Variants in CNIH3 observed in about 807,000 individuals in gnomAD.
CNIH3 encodes protein cornichon homolog 3.
In CNIH3, 14 loss-of-function variants were observed where a neutral mutation model predicts 24.1. The ratio of observed to expected loss-of-function variants is 0.58; its 90% confidence interval spans 0.38 to 0.91. The LOEUF (loss-of-function observed/expected upper bound fraction) is 0.91. CNIH3 is among the 40% of genes least tolerant of loss of function. The pLI is 0.00. For synonymous variants in CNIH3, 68 were observed against 73.8 expected, an observed-to-expected ratio of 0.92 and a Z score of 0.40; for missense variants, 178 against 196.8, an observed-to-expected ratio of 0.90 and a Z score of 0.57.
At chr1:224,600,705 C>T (rs1277118218) in intron 3 of CNIH3, among the ~76,000 whole-genome samples, 1 of 152,180 alleles carries the variant, frequency 6.6e-6, no homozygotes, top group African/African-American at 2.4e-5. Flanking sequence ...ATGGGCTGAA[C>T]TGTGTTCTCC....
intron 1 of CNIH3, among the ~76,000 whole-genome samples, chr1:224,664,133 A>C (rs1685489012): frequency 6.6e-6 from 1 of 152,196 alleles, no homozygotes. Context: ...GTGGGGAAGG[A>C]ATGCAACCGC....
At chr1:224,672,931 G>A (rs114406378) in intron 1 of CNIH3, among the ~76,000 whole-genome samples, 1 of 152,330 alleles carries the variant, frequency 6.6e-6, no homozygotes, top group African/African-American at 2.4e-5. Flanking sequence ...TTAGAAAACT[G>A]CGCAGCTTTT....
At chr1:224,664,921 A>C (rs1292493715) in intron 1 of CNIH3, 1 of 152,068 alleles carries the variant, frequency 6.6e-6, no homozygotes, top group East Asian at 1.9e-4. Flanking sequence ...CTTAGATCCA[A>C]ATTTTCAAGC....
intron 1 of CNIH3, among the ~76,000 whole-genome samples, chr1:224,623,218 G>C (rs1453523344): frequency 6.6e-6 from 1 of 152,098 alleles, no homozygotes; most frequent in African/African-American, 2.4e-5. Flanking sequence ...TCCTTTGACT[G>C]TGGCTTTTCC....
Position 224,651,989 on chromosome 1 carries a change from A to T in CNIH3, c.82-28969A>T, listed in dbSNP as rs112547486. Among the ~76,000 whole-genome samples the T allele has an allele frequency of 4.7e-4, 72 of 152,172 alleles. 1 individual carries two copies. Among genetic ancestry groups the T allele is most frequent in the African/African-American group, 9.9e-4 (41 of 41,540 alleles). ...TTCCTCAACAGTAACTTATCACAAA[A>T]TTTTTTTCAATCCATTAGGTGTAAA... On this transcript the variant is annotated intron_variant, in intron 1 of 5. Coordinates refer to ENST00000272133, the MANE Select transcript of CNIH3 (RefSeq NM_152495.2).
At chr1:224,672,433 C>A (rs1468362012) in intron 1 of CNIH3, among the ~76,000 whole-genome samples, 3 of 152,146 alleles carry the variant, frequency 2.0e-5, no homozygotes, top group African/African-American at 7.2e-5. Context: ...AGGTGGGTGG[C>A]TTAAAACAAT....
intron 1 of CNIH3, among the ~76,000 whole-genome samples, chr1:224,619,558 A>G: frequency 6.6e-6 from 1 of 151,784 alleles, no homozygotes; most frequent in East Asian, 1.9e-4. Context: ...ACCCCATCAC[A>G]CTGATTTGGT....
At chr1:224,489,288 G>A (rs746173576) in intron 1 of CNIH3, among the ~76,000 whole-genome samples, 1 of 152,216 alleles carries the variant, frequency 6.6e-6, no homozygotes, top group Non-Finnish European at 1.5e-5. Context: ...CAGCTGGACA[G>A]TTGGTCAGAA....
At chr1:224,617,287 G>T in intron 1 of CNIH3, 32 bp downstream of exon 1, 1 of 1,600,866 alleles carries the variant, frequency 6.2e-7, no homozygotes. Flanking sequence ...CTCTTCTTTC[G>T]CCCCAATTTC....
At chr1:224,663,271 C>T (rs1390203722) in intron 1 of CNIH3, among the ~76,000 whole-genome samples, 1 of 152,134 alleles carries the variant, frequency 6.6e-6, no homozygotes, top group Non-Finnish European at 1.5e-5. Context: ...CCCTTGCTCT[C>T]TGGGCCCACA....
chr1:224,570,193 C>A (rs928748249), intron 4 of CNIH3, among the ~76,000 whole-genome samples: 1 of 152,190 alleles, frequency 6.6e-6, no homozygotes, highest in Non-Finnish European at 1.5e-5. Context: ...ATTTTAGATT[C>A]AAGGGGTACG....
At chr1:224,687,061 G>A (rs1245445232) in intron 3 of CNIH3, among the ~76,000 whole-genome samples, 1 of 152,142 alleles carries the variant, frequency 6.6e-6, no homozygotes, top group East Asian at 1.9e-4. Flanking sequence ...AAATACCGGG[G>A]AGAAAAGGTA....
At chr1:224,446,669 T>G (rs1292378098) in intron 1 of CNIH3, among the ~76,000 whole-genome samples, 1 of 152,226 alleles carries the variant, frequency 6.6e-6, no homozygotes, top group Non-Finnish European at 1.5e-5. Flanking sequence ...AGTCTACTGT[T>G]AAAAGACTCA....
chr1:224,600,338 C>T (rs1235670686), intron 3 of CNIH3, among the ~76,000 whole-genome samples: 8 of 152,076 alleles, frequency 5.3e-5, no homozygotes, highest in African/African-American at 7.2e-5. Context: ...TATAGGCATG[C>T]ACCACCATGC....
intron 3 of CNIH3, chr1:224,565,513 C>G (rs541580225): frequency 3.8e-4 from 58 of 152,500 alleles, no homozygotes; most frequent in African/African-American, 1.3e-3. Context: ...TTGCTCCAGG[C>G]CTTCTGACCT....
chr1:224,559,718 C>T (rs1680284714), intron 3 of CNIH3, among the ~76,000 whole-genome samples: 1 of 152,034 alleles, frequency 6.6e-6, no homozygotes, highest in African/African-American at 2.4e-5. Context: ...AGAAATATAA[C>T]ACAATTAAGA....
chr1:224,651,114 G>A (rs1167318636), intron 1 of CNIH3, among the ~76,000 whole-genome samples: 1 of 152,084 alleles, frequency 6.6e-6, no homozygotes, highest in African/African-American at 2.4e-5. Flanking sequence ...AGTGAACATC[G>A]AGCCCAGTGC....
At chr1:224,710,896 T>C (rs1688102179) in intron 3 of CNIH3, among the ~76,000 whole-genome samples, 1 of 152,234 alleles carries the variant, frequency 6.6e-6, no homozygotes, top group South Asian at 2.1e-4. Context: ...TTTAAAAGCA[T>C]CTTCTTCCTG....
At chr1:224,545,313 C>T (rs1006416330) in intron 2 of CNIH3, among the ~76,000 whole-genome samples, 3 of 152,212 alleles carry the variant, frequency 2.0e-5, no homozygotes, top group Admixed American at 2.0e-4. Context: ...ATCCTTCACC[C>T]TTGTCTCTTC....
Sources: allele counts gnomAD v4.1 joint callset (sites outside exome capture counted in the v4.1 genomes callset), GRCh38; gene constraint gnomAD v4.1.1; transcripts MANE v1.5; gene names NCBI Gene and HGNC (gene_info 2026-07-23, HGNC 2026-07-21).